The following CDH7 variants were observed in gnomAD, a reference collection of about 807,000 sequenced individuals.
The protein encoded by CDH7 is cadherin 7.
In CDH7, 25 loss-of-function variants were observed where a neutral mutation model predicts 71.8. The ratio of observed to expected loss-of-function variants is 0.35; its 90% CI spans 0.25 to 0.49. CDH7 has a LOEUF of 0.49. Ranked by LOEUF, CDH7 falls within the 20% of genes least tolerant of loss-of-function variation. The pLI is 0.99. For missense variants in CDH7, 862 were observed against 974.6 expected (o/e 0.88, Z 1.54); for synonymous variants, 381 against 363.8 (o/e 1.05, Z -0.54).
intron 2 of CDH7, among the ~76,000 whole-genome samples, chr18:65,790,268 TG>T (rs1910666017): frequency 6.9e-6 from 1 of 145,144 alleles, no homozygotes. Flanking sequence ...GATATCTATG[TG>T]GAGGTGTGCA....
chr18:65,750,963 G>T (rs1915854231), upstream of CDH7: 1 of 152,306 alleles, frequency 6.6e-6, no homozygotes, highest in Non-Finnish European at 1.5e-5. Flanking sequence ...GTGATTGGAG[G>T]AGGAGCCCGT....
chr18:65,782,131 T>C (rs867386689), intron 2 of CDH7, among the ~76,000 whole-genome samples: 1 of 89,090 alleles, frequency 1.1e-5, no homozygotes, highest in South Asian at 3.9e-4. Context: ...TCTTTCTTTC[T>C]TTCTTTCTTT....
intron 2 of CDH7, among the ~76,000 whole-genome samples, chr18:65,804,898 T>C (rs1911260612): frequency 6.6e-6 from 1 of 152,168 alleles, no homozygotes; most frequent in Non-Finnish European, 1.5e-5. Context: ...AAGCAAGGCA[T>C]CTGAACTCCA....
At chr18:65,766,883 C>A (rs1301656537) in intron 2 of CDH7, among the ~76,000 whole-genome samples, 3 of 80,196 alleles carry the variant, frequency 3.7e-5, no homozygotes, top group Admixed American at 2.1e-4. Context: ...AACTGTCTGA[C>A]GTAAAAAAAA....
chr18:65,861,967 T>C (rs1913580143), intron 10 of CDH7, among the ~76,000 whole-genome samples: 1 of 152,142 alleles, frequency 6.6e-6, no homozygotes, highest in Admixed American at 6.6e-5. Context: ...ATTTTTGATA[T>C]ATAAATCACA....
intron 7 of CDH7, among the ~76,000 whole-genome samples, chr18:65,856,075 C>A (rs995500790): frequency 6.6e-6 from 1 of 152,178 alleles, no homozygotes; most frequent in East Asian, 1.9e-4. Flanking sequence ...GTCCATTTGG[C>A]AGCACCAACT....
intron 11 of CDH7, among the ~76,000 whole-genome samples, chr18:65,877,744 TCTA>T (rs1914113721): frequency 6.6e-6 from 1 of 152,218 alleles, no homozygotes; most frequent in Admixed American, 6.5e-5. Flanking sequence ...CCTACTGGGT[TCTA>T]CTTTCTTTCT....
intron 2 of CDH7, among the ~76,000 whole-genome samples, chr18:65,765,780 A>AT (rs1320679411): frequency 6.6e-6 from 1 of 152,010 alleles, no homozygotes; most frequent in African/African-American, 2.4e-5. Context: ...AATTGACATC[A>AT]TTTTTATTTT....
chr18:65,787,854 C>T (rs1910571026), intron 2 of CDH7, among the ~76,000 whole-genome samples: 1 of 152,052 alleles, frequency 6.6e-6, no homozygotes, highest in South Asian at 2.1e-4. Flanking sequence ...ACTATTCAGT[C>T]AGTAGATATA....
At chr18:65,806,776 T>C (rs1307927062) in intron 2 of CDH7, among the ~76,000 whole-genome samples, 1 of 152,178 alleles carries the variant, frequency 6.6e-6, no homozygotes. Flanking sequence ...CTGAGCACTC[T>C]TTTTCATCAA....
chr18:65,877,364 A>T (rs1324146447), intron 11 of CDH7, among the ~76,000 whole-genome samples: 2 of 152,066 alleles, frequency 1.3e-5, no homozygotes, highest in African/African-American at 2.4e-5. Context: ...CATGAAATAC[A>T]TTTACAATAG....
chr18:65,805,145 T>C (rs1188912695), intron 2 of CDH7, among the ~76,000 whole-genome samples: 3 of 152,146 alleles, frequency 2.0e-5, no homozygotes, highest in Admixed American at 2.0e-4. Context: ...AGTTTATAAA[T>C]TAAAGTTGGA....
chr18:65,857,717 A>G (rs1913414556), intron 7 of CDH7, 99 bp from the exon 8 acceptor site: 10 of 1,143,190 alleles, frequency 8.7e-6, no homozygotes, highest in Non-Finnish European at 1.3e-5. Flanking sequence ...GAGAGTCAGT[A>G]GGATTTAGTA....
At chr18:65,751,462 C>G (rs1287160911) in intron 1 of CDH7, among the ~76,000 whole-genome samples, 1 of 152,180 alleles carries the variant, frequency 6.6e-6, no homozygotes, top group Non-Finnish European at 1.5e-5. Flanking sequence ...CAGCGGCAAA[C>G]ATGGGCAGGC....
intron 11 of CDH7, among the ~76,000 whole-genome samples, chr18:65,874,982 G>A (rs1398497375): frequency 6.6e-6 from 1 of 152,150 alleles, no homozygotes; most frequent in African/African-American, 2.4e-5. Context: ...TGTTCAACCT[G>A]AGGCCCGCGG....
chr18:65,865,465 T>C (rs1913725259), intron 11 of CDH7: 1 of 152,098 alleles, frequency 6.6e-6, no homozygotes, highest in Admixed American at 6.6e-5. Flanking sequence ...TTGTGCCCTA[T>C]ATTTTATTCA....
intron 2 of CDH7, among the ~76,000 whole-genome samples, chr18:65,806,723 C>A (rs944696854): frequency 6.6e-6 from 1 of 151,898 alleles, no homozygotes; most frequent in Admixed American, 6.6e-5. Flanking sequence ...AACTTAAGAA[C>A]GTGATTTGCT....
At chr18:65,769,164 A>G (rs941969158) in intron 2 of CDH7, among the ~76,000 whole-genome samples, 2 of 152,178 alleles carry the variant, frequency 1.3e-5, no homozygotes, top group African/African-American at 4.8e-5. Context: ...CGCTTGCATG[A>G]GGACACCTGG....
chr18:65,817,673 G>C (rs1911768913), intron 4 of CDH7, among the ~76,000 whole-genome samples: 1 of 152,158 alleles, frequency 6.6e-6, no homozygotes, highest in Admixed American at 6.5e-5. Context: ...CCTCCCAAGA[G>C]TTTTCTCAGC....
Sources: gnomAD v4.1 joint callset for allele counts (sites outside exome capture counted in the v4.1 genomes callset) on GRCh38, gnomAD v4.1.1 for gene constraint, MANE v1.5 for transcripts, NCBI Gene and HGNC (gene_info 2026-07-23, HGNC 2026-07-21) for gene names.